The following TENT4B variants were observed in gnomAD, a reference collection of about 807,000 sequenced individuals.
The protein encoded by TENT4B is PAP associated domain containing 5.
TENT4B carries 10 observed loss-of-function variants against 75.0 expected under a neutral mutation model. The observed-to-expected ratio is 0.13, with a 90% CI of 0.08 to 0.23. The LOEUF (loss-of-function observed/expected upper bound fraction) is 0.23. Among genes scored for constraint, TENT4B ranks in the 10% least tolerant of loss-of-function variants. The pLI is 1.00. For synonymous variants in TENT4B, 350 were observed against 357.7 expected (o/e 0.98, Z 0.24); for missense variants, 579 against 893.8 (o/e 0.65, Z 4.49).
At chr16:50,158,789 T>G (rs1214186177) in intron 1 of TENT4B, among the ~76,000 whole-genome samples, 1 of 151,534 alleles carries the variant, frequency 6.6e-6, no homozygotes, top group African/African-American at 2.4e-5. Flanking sequence ...GAAACTTGGG[T>G]TTAAGGTACA....
intron 1 of TENT4B, among the ~76,000 whole-genome samples, chr16:50,201,966 C>T (rs1314600613): frequency 6.6e-6 from 1 of 151,492 alleles, no homozygotes; most frequent in Non-Finnish European, 1.5e-5. Context: ...GAGACATCGT[C>T]CCTAAAGAAA....
At chr16:50,209,483 C>T (rs1474994101) in intron 1 of TENT4B, among the ~76,000 whole-genome samples, 1 of 152,178 alleles carries the variant, frequency 6.6e-6, no homozygotes, top group Admixed American at 6.5e-5. Context: ...CCTGAGGTAC[C>T]CAGAGGCATA....
chr16:50,225,409 C>T (rs2032004931), intron 10 of TENT4B, 124 bp downstream of exon 10: 1 of 915,986 alleles, frequency 1.1e-6, no homozygotes, highest in South Asian at 2.4e-5. Flanking sequence ...ATTTTAATAA[C>T]TTTCATGCTT....
At chr16:50,229,090 T>C in intron 11 of TENT4B, 62 bp from the exon 12 acceptor site, 1 of 1,586,282 alleles carries the variant, frequency 6.3e-7, no homozygotes, top group Non-Finnish European at 8.5e-7. Context: ...AATCCAGGTG[T>C]TTGAGAACAC....
rs532263433 is a variant in TENT4B at position 50,219,322 on chromosome 16, T to G, written c.1038+1659T>G. ...ATTATAAGCAAAAGGAGTAGCACAT[T>G]ATACACACATTGTCTTATAACTTCA... is the stretch of plus-strand genomic sequence containing the variant. On this transcript the variant is annotated intron_variant, in intron 5 of 11. Transcript: ENST00000561678. Among the ~76,000 whole-genome samples, 70 of 152,324 alleles carry G rather than the reference T, an allele frequency of 4.6e-4. No individual in the cohort carries two copies. The South Asian group carries it at 0.014, about 31-fold the overall frequency.
chr16:50,179,946 C>T (rs2038380467), intron 1 of TENT4B, among the ~76,000 whole-genome samples: 1 of 151,966 alleles, frequency 6.6e-6, no homozygotes. Context: ...TGATGATGGG[C>T]TCAGTGGGCT....
chr16:50,201,406 G>T (rs62032362), intron 1 of TENT4B, among the ~76,000 whole-genome samples: 2 of 151,830 alleles, frequency 1.3e-5, no homozygotes, highest in Non-Finnish European at 2.9e-5. Context: ...GCGTGGTGGC[G>T]CATGTCAGTA....
chr16:50,171,153 T>C (rs2038198783), intron 1 of TENT4B, among the ~76,000 whole-genome samples: 1 of 152,116 alleles, frequency 6.6e-6, no homozygotes, highest in African/African-American at 2.4e-5. Flanking sequence ...GTAATCCTAA[T>C]ACTTTGGGAG....
At position 50,234,098 on chromosome 16, in the gene TENT4B, A is replaced by G; in HGVS notation, c.*4770A>G. ...TCTGGACGTATTTTGGGGGAATGTT[A>G]TTTATCTTAAAGATGCCTAGAAACA... On this transcript the variant is annotated 3_prime_UTR_variant, in exon 12 of 12. Coordinates refer to ENST00000561678, the MANE Select transcript of TENT4B (RefSeq NM_001365324.3). 2.0e-6 allele frequency: 2 copies of G among 985,386 alleles called. No individual in the cohort carries two copies. Among genetic ancestry groups the G allele is most frequent in the Non-Finnish European group, 2.4e-6 (2 of 829,938 alleles). The allele number at this position is 985,386 out of a possible 1,614,324, so 61.0% of individuals were successfully genotyped here.
rs1356752789 is a variant in TENT4B at position 50,201,953 on chromosome 16, A to G, written c.639-9370A>G. On this transcript the variant is annotated intron_variant, in intron 1 of 11. Transcript: ENST00000561678. ...AGTTTGAGACCAGCCTAGACAACAT[A>G]GTGAGACATCGTCCCTAAAGAAAAA... 3.3e-5 allele frequency among the ~76,000 whole-genome samples: 5 copies of G among 151,796 alleles called. 1 individual carries two copies. Among genetic ancestry groups the G allele is most frequent in the Admixed American group, 1.3e-4 (2 of 15,232 alleles).
At chr16:50,160,263 C>T (rs1286951642) in intron 1 of TENT4B, among the ~76,000 whole-genome samples, 1 of 152,196 alleles carries the variant, frequency 6.6e-6, no homozygotes, top group Non-Finnish European at 1.5e-5. Context: ...TGAATACTGT[C>T]ACCATTAATC....
chr16:50,163,662 G>C (rs1038305321), intron 1 of TENT4B, among the ~76,000 whole-genome samples: 2 of 151,028 alleles, frequency 1.3e-5, no homozygotes, highest in African/African-American at 4.9e-5. Flanking sequence ...GCCTCCCAAA[G>C]TACTGGGATT....
intron 1 of TENT4B, among the ~76,000 whole-genome samples, chr16:50,194,569 G>C (rs538403619): frequency 6.6e-6 from 1 of 151,074 alleles, no homozygotes; most frequent in East Asian, 2.0e-4. Flanking sequence ...AATTTGCTTT[G>C]AGACAGGGTC....
At chr16:50,153,196 C>A (rs572012057), upstream of TENT4B, among the ~76,000 whole-genome samples, 191 of 11,376 alleles carry the variant, frequency 0.017, 13 homozygotes, top group African/African-American at 0.053. Context: ...GGGGGGGGGG[C>A]GGAGCGAGAG....
intron 1 of TENT4B, among the ~76,000 whole-genome samples, chr16:50,197,224 A>G (rs1485478147): frequency 3.9e-5 from 6 of 152,230 alleles, no homozygotes; most frequent in African/African-American, 1.2e-4. Context: ...CTTTCAAACC[A>G]GTACACATTA....
chr16:50,164,881 G>A (rs1017908206), intron 1 of TENT4B, among the ~76,000 whole-genome samples: 9 of 151,132 alleles, frequency 6.0e-5, no homozygotes, highest in African/African-American at 2.2e-4. Context: ...GTGAAACTCC[G>A]TCTCTACCAA....
At chr16:50,186,275 C>A (rs375019874) in intron 1 of TENT4B, among the ~76,000 whole-genome samples, 1 of 151,578 alleles carries the variant, frequency 6.6e-6, no homozygotes, top group African/African-American at 2.4e-5. Context: ...TTTGCCTCTT[C>A]CATCTAAGTG....
chr16:50,170,547 A>AGG (rs2038186595), intron 1 of TENT4B, among the ~76,000 whole-genome samples: 3 of 152,228 alleles, frequency 2.0e-5, no homozygotes, highest in Non-Finnish European at 4.4e-5. Flanking sequence ...GGCCCCTGTA[A>AGG]GGGAAGGCTC....
chr16:50,214,373 G>A (rs2031441428), intron 3 of TENT4B, 106 bp downstream of exon 3: 1 of 877,948 alleles, frequency 1.1e-6, no homozygotes, highest in Non-Finnish European at 1.7e-6. Flanking sequence ...AAACAAAATG[G>A]GGCTGGGCAT....
Sources: allele counts gnomAD v4.1 joint callset (sites outside exome capture counted in the v4.1 genomes callset), GRCh38; gene constraint gnomAD v4.1.1; transcripts MANE v1.5; gene names NCBI Gene and HGNC (gene_info 2026-07-23, HGNC 2026-07-21).